The following RABGAP1L variants were observed in gnomAD, a reference collection of about 807,000 sequenced individuals.
RABGAP1L encodes the protein RAB GTPase activating protein 1 like, also known as rab GTPase-activating protein 1-like.
In RABGAP1L, 63 loss-of-function variants were observed where a neutral mutation model predicts 137.7. The observed-to-expected ratio is 0.46, with a 90% CI of 0.37 to 0.56. RABGAP1L has a LOEUF of 0.56. Among genes scored for constraint, RABGAP1L ranks in the 20% least tolerant of loss-of-function variants. The probability of loss-of-function intolerance (pLI) is 0.00; values close to 1 mark genes in which losing one functional copy is unlikely to be tolerated. For missense variants in RABGAP1L, 1,095 were observed against 1,244.0 expected (o/e 0.88, Z 1.80); for synonymous variants, 431 against 433.7 (o/e 0.99, Z 0.08).
intron 13 of RABGAP1L, among the ~76,000 whole-genome samples, chr1:174,571,811 G>C (rs184039833): frequency 6.6e-6 from 1 of 152,046 alleles, no homozygotes; most frequent in Non-Finnish European, 1.5e-5. Context: ...TGTAGTTTCC[G>C]TGCTGGGAAC....
chr1:174,268,313 C>G (rs1016460999), intron 7 of RABGAP1L, among the ~76,000 whole-genome samples: 1 of 151,738 alleles, frequency 6.6e-6, no homozygotes, highest in African/African-American at 2.4e-5. Flanking sequence ...CATTCTCCTG[C>G]CTCAGCCTCC....
intron 19 of RABGAP1L, among the ~76,000 whole-genome samples, chr1:174,859,883 G>A (rs570296691): frequency 4.8e-4 from 71 of 149,454 alleles, no homozygotes; most frequent in African/African-American, 1.7e-3. Context: ...TTTTTATATA[G>A]CAGTATGCTT....
intron 11 of RABGAP1L, among the ~76,000 whole-genome samples, chr1:174,351,721 G>A (rs1683205535): frequency 6.6e-6 from 1 of 151,992 alleles, no homozygotes; most frequent in Non-Finnish European, 1.5e-5. Context: ...AATCTGCTTG[G>A]TGTTCTATAA....
At chr1:174,662,121 T>TTTTTTTTTTG (rs59243192) in intron 14 of RABGAP1L, among the ~76,000 whole-genome samples, 4 of 135,234 alleles carry the variant, frequency 3.0e-5, no homozygotes, top group African/African-American at 9.0e-5. Flanking sequence ...TTTTTTTTTT[T>TTTTTTTTTTG]GAGTTGGAGT....
chr1:174,272,396 T>C lies in RABGAP1L; in HGVS notation c.987-18T>C, dbSNP rs757997161. 1 of 1,600,912 alleles carries C rather than the reference T, an allele frequency of 6.2e-7. No individual in the cohort carries two copies. Among genetic ancestry groups the C allele is most frequent in the Admixed American group, 1.8e-5 (1 of 57,070 alleles). On this transcript the variant is annotated intron_variant, in intron 7 of 25. Transcript: ENST00000681986. ...TCTTGATACCTTATTTCTCCTTTTT[T>C]TCCCCCAATATTTTCAGATGTTTTG...
chr1:174,969,354 A>G lies in RABGAP1L; in HGVS notation c.2511A>G (p.Thr837=). The G allele has an allele frequency of 6.4e-7, 1 of 1,550,592 alleles. No individual in the cohort carries two copies. Among genetic ancestry groups the G allele is most frequent in the South Asian group, 1.2e-5 (1 of 84,060 alleles). The change falls in exon 21 of 26, where the codon ACA becomes ACG. Residue 837 remains threonine (T), a synonymous_variant. Coordinates refer to ENST00000681986, the MANE Select transcript of RABGAP1L (RefSeq NM_001366446.1). Reference sequence around the variant, plus strand: ...ATGACCTTGCCCATGAACTAGTAACAAGCAAAATTGCTCTACGGAATGACT... The same window carrying G: ...ATGACCTTGCCCATGAACTAGTAACGAGCAAAATTGCTCTACGGAATGACT... ...ENDDLAHELV[T]SKIALRNDLD...
chr1:174,690,582 G>A (rs1437727857), intron 15 of RABGAP1L, among the ~76,000 whole-genome samples: 1 of 151,910 alleles, frequency 6.6e-6, no homozygotes, highest in Non-Finnish European at 1.5e-5. Context: ...TATTTGCCCA[G>A]CCAGTTTTCT....
intron 13 of RABGAP1L, among the ~76,000 whole-genome samples, chr1:174,455,551 C>T (rs1051701935): frequency 2.6e-5 from 4 of 151,994 alleles, no homozygotes; most frequent in Non-Finnish European, 4.4e-5. Context: ...ATACATGACA[C>T]AAAGAATGTT....
intron 13 of RABGAP1L, among the ~76,000 whole-genome samples, chr1:174,469,633 GA>G (rs200695332): frequency 1.1e-3 from 170 of 152,186 alleles, no homozygotes; most frequent in Non-Finnish European, 1.9e-3. Flanking sequence ...AAGCTCTACA[GA>G]AAAAAATCCC....
chr1:174,251,075 A>G (rs767060597), intron 6 of RABGAP1L, among the ~76,000 whole-genome samples: 6 of 152,246 alleles, frequency 3.9e-5, no homozygotes, highest in East Asian at 3.8e-4. Context: ...TGCTGGGATT[A>G]TAAGTGTGAG....
chr1:174,290,204 A>G (rs1464348471), intron 10 of RABGAP1L, among the ~76,000 whole-genome samples: 2 of 152,210 alleles, frequency 1.3e-5, no homozygotes, highest in African/African-American at 4.8e-5. Context: ...GCTCCTTGTC[A>G]GGTGAAGCTG....
At chr1:174,945,068 T>G (rs1205453924) in intron 19 of RABGAP1L, among the ~76,000 whole-genome samples, 1 of 152,224 alleles carries the variant, frequency 6.6e-6, no homozygotes, top group Non-Finnish European at 1.5e-5. Context: ...GTGTCCTACT[T>G]GGTTTTCCCA....
chr1:174,925,354 CAAAAAAAAAAAA>C (rs545791515), intron 19 of RABGAP1L, among the ~76,000 whole-genome samples: 7 of 54,776 alleles, frequency 1.3e-4, no homozygotes, highest in Admixed American at 4.8e-4. Flanking sequence ...GACTCCGTCT[CAAAAAAAAAAAA>C]AAAAAAAAAA....
At chr1:174,942,830 T>G (rs766448749) in intron 19 of RABGAP1L, among the ~76,000 whole-genome samples, 12 of 152,210 alleles carry the variant, frequency 7.9e-5, no homozygotes, top group Non-Finnish European at 1.8e-4. Flanking sequence ...CTGAGTAATC[T>G]TAATGCCTTG....
intron 14 of RABGAP1L, among the ~76,000 whole-genome samples, chr1:174,682,296 C>CTA (rs1188299572): frequency 7.2e-6 from 1 of 139,290 alleles, no homozygotes; most frequent in Non-Finnish European, 1.5e-5. Context: ...CTCTCTCTCT[C>CTA]TATACATACA....
In RABGAP1L at chr1:174,252,321, T is replaced by C. The variant is rs1183484891; in HGVS notation, c.876-159T>C. On this transcript the variant is annotated intron_variant, in intron 6 of 25. Transcript: ENST00000681986. Reference sequence around the variant, plus strand: ...CTATAAAGTTTATAGTCAAATAAAATTAATAGTTTGCTGCCTGTGGCAAGG... The same window carrying C: ...CTATAAAGTTTATAGTCAAATAAAACTAATAGTTTGCTGCCTGTGGCAAGG... 6 of 752,604 alleles carry C rather than the reference T, an allele frequency of 8.0e-6. No individual in the cohort carries two copies. In the East Asian group the frequency reaches 2.0e-4, roughly 25 times the overall value. 46.6% of individuals were successfully genotyped at this position (752,604 alleles called of 1,614,324 possible). A position where few individuals can be genotyped will look rare whatever the true frequency, so the allele number is the denominator to read the frequency against.
chr1:174,542,377 G>A (rs1319352150), intron 13 of RABGAP1L, among the ~76,000 whole-genome samples: 1 of 152,158 alleles, frequency 6.6e-6, no homozygotes, highest in African/African-American at 2.4e-5. Context: ...TAGTTTATTT[G>A]CGTAAAAGTG....
chr1:174,527,679 A>C (rs1664016716), intron 13 of RABGAP1L, among the ~76,000 whole-genome samples: 1 of 152,064 alleles, frequency 6.6e-6, no homozygotes, highest in African/African-American at 2.4e-5. Flanking sequence ...TTTAAATCCA[A>C]TGTTTCTTTA....
rs1490821653 is a variant in RABGAP1L at position 174,755,812 on chromosome 1, T to C, written c.2211+3458T>C. ...AGGATGCACATAAATTTATTTTCTT[T>C]CAAAAAATGCTGTTGAACAATACTC... On this transcript the variant is annotated intron_variant, in intron 18 of 25. Coordinates refer to ENST00000681986, the MANE Select transcript of RABGAP1L (RefSeq NM_001366446.1). 3.3e-5 allele frequency among the ~76,000 whole-genome samples: 5 copies of C among 152,194 alleles called. No homozygotes were observed. In the East Asian group the frequency reaches 9.6e-4, roughly 29 times the overall value.
Sources: allele counts gnomAD v4.1 joint callset (sites outside exome capture counted in the v4.1 genomes callset), GRCh38; gene constraint gnomAD v4.1.1; transcripts MANE v1.5; gene names NCBI Gene and HGNC (gene_info 2026-07-23, HGNC 2026-07-21).